The following GCH1 variants were observed in gnomAD, a reference collection of about 807,000 sequenced individuals.
GCH1 encodes the protein GTP cyclohydrolase I.
Under a neutral mutation model 25.9 loss-of-function variants are expected in GCH1, and 5 were observed. The ratio of observed to expected loss-of-function variants is 0.19; its 90% CI spans 0.10 to 0.41. The LOEUF (loss-of-function observed/expected upper bound fraction) is 0.41, where lower values mean the gene tolerates loss of function less well. GCH1 is among the 10% of genes least tolerant of loss of function. GCH1 has a pLI of 1.00. For synonymous variants in GCH1, 159 were observed against 129.6 expected (o/e 1.23, Z -1.54); for missense variants, 261 against 336.5 (o/e 0.78, Z 1.75).
rs548516137 is a variant in GCH1 at position 54,845,218 on chromosome 14, G to A, written c.626+550C>T. On this transcript the variant is annotated intron_variant, in intron 5 of 5. Transcript: ENST00000491895. ...GATTGAGCTGGGCGCAGGGGCTCAC[G>A]CCTGTAATCCTAGCACTTTGGGAGG... Among the ~76,000 whole-genome samples, 6 of 151,932 alleles carry A rather than the reference G, an allele frequency of 3.9e-5. No individual in the cohort carries two copies. The South Asian group carries it at 6.2e-4, about 16-fold the overall frequency.
intron 3 of GCH1, among the ~76,000 whole-genome samples, chr14:54,858,902 A>T (rs1424247337): frequency 6.6e-6 from 1 of 152,268 alleles, no homozygotes; most frequent in Non-Finnish European, 1.5e-5. Flanking sequence ...ACGTGTATGT[A>T]CATCACCTCT....
At chr14:54,873,258 G>A (rs1203703880) in intron 1 of GCH1, among the ~76,000 whole-genome samples, 3 of 152,104 alleles carry the variant, frequency 2.0e-5, no homozygotes, top group East Asian at 1.9e-4. Flanking sequence ...GGTACATAAC[G>A]AAATGAAGGT....
intron 1 of GCH1, among the ~76,000 whole-genome samples, chr14:54,883,948 G>T (rs8004445): frequency 0.21 from 32,655 of 152,084 alleles, 4,901 homozygotes; most frequent in East Asian, 0.42. Context: ...CTGGAGCAAA[G>T]TTTAAAAATT....
chr14:54,873,112 A>G (rs959327448), intron 1 of GCH1, among the ~76,000 whole-genome samples: 1 of 152,160 alleles, frequency 6.6e-6, no homozygotes, highest in African/African-American at 2.4e-5. Flanking sequence ...CTCCTCAGCA[A>G]ATGTAAAAGA....
intron 2 of GCH1, among the ~76,000 whole-genome samples, 178 bp downstream of exon 2, chr14:54,865,149 G>C (rs530648006): frequency 6.6e-6 from 1 of 152,014 alleles, no homozygotes; most frequent in East Asian, 1.9e-4. Flanking sequence ...CTGCTACTTT[G>C]GTTTTGTTTT....
chr14:54,849,025 T>C (rs2039686262), intron 3 of GCH1, among the ~76,000 whole-genome samples: 1 of 152,226 alleles, frequency 6.6e-6, no homozygotes, highest in South Asian at 2.1e-4. Flanking sequence ...GAACTTCAGG[T>C]GCCACATTGG....
chr14:54,880,837 T>C (rs1395380317), intron 1 of GCH1, among the ~76,000 whole-genome samples: 1 of 100,442 alleles, frequency 1.0e-5, no homozygotes, highest in Non-Finnish European at 1.8e-5. Flanking sequence ...ACTCCATATA[T>C]ATATATACTC....
At chr14:54,858,909 C>G (rs1215702396) in intron 3 of GCH1, among the ~76,000 whole-genome samples, 1 of 152,170 alleles carries the variant, frequency 6.6e-6, no homozygotes, top group African/African-American at 2.4e-5. Context: ...TGTACATCAC[C>G]TCTCCTAAAA....
intron 1 of GCH1, among the ~76,000 whole-genome samples, chr14:54,894,937 T>C (rs1270599712): frequency 6.6e-6 from 1 of 152,182 alleles, no homozygotes; most frequent in Non-Finnish European, 1.5e-5. Flanking sequence ...ACTTTAAAAC[T>C]TGGGATATAA....
At chr14:54,846,608 G>A (rs535959468) in intron 4 of GCH1, among the ~76,000 whole-genome samples, 2 of 152,298 alleles carry the variant, frequency 1.3e-5, no homozygotes, top group Admixed American at 6.5e-5. Context: ...GAAAATGCAG[G>A]TATATGCATG....
At chr14:54,846,675 T>C (rs2140042941) in intron 4 of GCH1, among the ~76,000 whole-genome samples, 1 of 152,386 alleles carries the variant, frequency 6.6e-6, no homozygotes, top group Non-Finnish European at 1.5e-5. Flanking sequence ...CTTGAAACAG[T>C]AGACTTTTTA....
chr14:54,875,564 A>C (rs1021440157), intron 1 of GCH1, among the ~76,000 whole-genome samples: 12 of 152,218 alleles, frequency 7.9e-5, no homozygotes, highest in African/African-American at 2.4e-4. Flanking sequence ...AAATTTTTGC[A>C]ATCTACTCAT....
chr14:54,885,071 T>C, intron 1 of GCH1: 1 of 308,584 alleles, frequency 3.2e-6, no homozygotes, highest in Non-Finnish European at 6.4e-6. Flanking sequence ...GAACCACCAG[T>C]CAGCTGCATT....
At chr14:54,864,871 C>T (rs2039968541) in intron 2 of GCH1, among the ~76,000 whole-genome samples, 1 of 152,136 alleles carries the variant, frequency 6.6e-6, no homozygotes, top group South Asian at 2.1e-4. Context: ...TCCACAAATA[C>T]CATAACCTCT....
At position 54,843,789 on chromosome 14, in the gene GCH1, G is replaced by C. The variant is rs755929956; in HGVS notation, c.*228C>G. 24 of 1,613,790 alleles carry C rather than the reference G, an allele frequency of 1.5e-5. No homozygotes were observed. The East Asian group carries it at 4.7e-4, about 31-fold the overall frequency. On this transcript the variant is annotated 3_prime_UTR_variant, in exon 6 of 6. Transcript: ENST00000491895. Reference sequence around the variant, plus strand: ...TTTTGTGCACGTACTTACACTATTAGCAGTTCACTTTAATATTGCCACAAA... The same window carrying C: ...TTTTGTGCACGTACTTACACTATTACCAGTTCACTTTAATATTGCCACAAA...
At chr14:54,853,046 C>CTCTA (rs1162381430) in intron 3 of GCH1, among the ~76,000 whole-genome samples, 3 of 152,206 alleles carry the variant, frequency 2.0e-5, no homozygotes, top group African/African-American at 7.2e-5. Flanking sequence ...TCACTGCAAC[C>CTCTA]TCTACCTCCC....
intron 3 of GCH1, among the ~76,000 whole-genome samples, chr14:54,851,248 A>G (rs1307640528): frequency 5.3e-5 from 8 of 152,252 alleles, no homozygotes; most frequent in Non-Finnish European, 8.8e-5. Flanking sequence ...CTTAAATGTT[A>G]GACCTAAAAC....
intron 1 of GCH1, chr14:54,885,038 C>T (rs895586645): frequency 3.8e-5 from 11 of 290,418 alleles, no homozygotes; most frequent in East Asian, 9.2e-5. Context: ...GGTGCTGTTC[C>T]GGTGTGGCCC....
Position 54,843,071 on chromosome 14 carries a change from C to T in GCH1, c.*946G>A. ...TCTGCAGACCTGAAAATGATGGGCACTCTCAAATGTTTCTGGAAATACTTA... is the reference window on the plus strand; with the variant it reads ...TCTGCAGACCTGAAAATGATGGGCATTCTCAAATGTTTCTGGAAATACTTA... On this transcript the variant is annotated 3_prime_UTR_variant, in exon 6 of 6. Coordinates refer to ENST00000491895, the MANE Select transcript of GCH1 (RefSeq NM_000161.3). 2 of 1,270,568 alleles carry T rather than the reference C, an allele frequency of 1.6e-6. No homozygotes were observed. Among genetic ancestry groups the T allele is most frequent in the East Asian group, 2.3e-5 (1 of 43,302 alleles). 78.7% of individuals were successfully genotyped at this position (1,270,568 alleles called of 1,614,324 possible). A position where few individuals can be genotyped will look rare whatever the true frequency, so the allele number is the denominator to read the frequency against.
Sources: gnomAD v4.1 joint callset for allele counts (sites outside exome capture counted in the v4.1 genomes callset) on GRCh38, gnomAD v4.1.1 for gene constraint, MANE v1.5 for transcripts, NCBI Gene and HGNC (gene_info 2026-07-23, HGNC 2026-07-21) for gene names.